EYS: variants seen among roughly 807,000 people sequenced by gnomAD.
The protein encoded by EYS is EGF-like photoreceptor maintenance factor.
A neutral mutation model predicts 282.1 loss-of-function variants in EYS; 250 were observed. The ratio of observed to expected loss-of-function variants is 0.89; its 90% CI spans 0.80 to 0.98. EYS has a LOEUF of 0.98. Among genes scored for constraint, EYS ranks in the 50% least tolerant of loss-of-function variants. The pLI is 0.00. For synonymous variants in EYS, 1,355 were observed against 1,282.9 expected (o/e 1.06, Z -1.20); for missense variants, 4,016 against 3,709.0 (o/e 1.08, Z -2.15).
chr6:64,913,723 T>C (rs907361159), intron 15 of EYS, among the ~76,000 whole-genome samples: 11 of 152,116 alleles, frequency 7.2e-5, no homozygotes, highest in Admixed American at 1.3e-4. Context: ...AACATATGAG[T>C]GAAGTTGTCT....
chr6:63,903,808 A>G (rs1396177250), intron 35 of EYS, among the ~76,000 whole-genome samples: 2 of 152,234 alleles, frequency 1.3e-5, no homozygotes, highest in Non-Finnish European at 2.9e-5. Flanking sequence ...GTGCAGAAAT[A>G]GCTATCAGGT....
chr6:65,557,035 T>C (rs981925413), intron 2 of EYS, among the ~76,000 whole-genome samples: 1 of 152,226 alleles, frequency 6.6e-6, no homozygotes, highest in South Asian at 2.1e-4. Context: ...AAAGAGATTT[T>C]AGTCATTAAA....
chr6:64,072,848 G>A (rs1399240708), intron 32 of EYS, among the ~76,000 whole-genome samples: 1 of 151,924 alleles, frequency 6.6e-6, no homozygotes, highest in Non-Finnish European at 1.5e-5. Context: ...GATATATAGT[G>A]TAGGGTAGAA....
intron 42 of EYS, 125 bp from the exon 43 acceptor site, chr6:63,721,922 A>G: frequency 2.4e-6 from 2 of 846,212 alleles, no homozygotes; most frequent in Non-Finnish European, 1.8e-6. Context: ...TCTTGAGCAC[A>G]ATTGTGTTAG....
At chr6:63,743,926 T>C (rs1262334438) in intron 41 of EYS, among the ~76,000 whole-genome samples, 3 of 152,330 alleles carry the variant, frequency 2.0e-5, no homozygotes, top group Non-Finnish European at 4.4e-5. Context: ...GAGGGTTGTC[T>C]GGAGCCACCA....
Position 64,879,354 on chromosome 6 carries a change from C to G in EYS, c.2992+7343G>C, listed in dbSNP as rs1240597783. Among the ~76,000 whole-genome samples, 4 of 152,076 alleles carry G rather than the reference C, an allele frequency of 2.6e-5. No individual in the cohort carries two copies. In the East Asian group the frequency reaches 5.8e-4, roughly 22 times the overall value. On this transcript the variant is annotated intron_variant, in intron 19 of 42. Transcript: ENST00000503581. ...TCAGTTAGCATTTTGATGGTTCTCT[C>G]TTAGACATTAACCGATATTCAAGGA...
intron 35 of EYS, among the ~76,000 whole-genome samples, chr6:63,940,599 G>A (rs748179639): frequency 6.6e-6 from 1 of 152,044 alleles, no homozygotes; most frequent in Non-Finnish European, 1.5e-5. Context: ...AACAGGAGGA[G>A]TAGCTTCTTC....
chr6:64,558,493 T>G (rs1418953527), intron 26 of EYS, among the ~76,000 whole-genome samples: 5 of 152,018 alleles, frequency 3.3e-5, no homozygotes, highest in Non-Finnish European at 7.4e-5. Flanking sequence ...TAAATTTTCC[T>G]ATAGAGATAT....
intron 2 of EYS, among the ~76,000 whole-genome samples, chr6:65,631,875 A>T (rs1766926686): frequency 6.6e-6 from 1 of 152,170 alleles, no homozygotes. Context: ...TAATGAATGG[A>T]AAGAAAGGTT....
At chr6:64,571,797 GAAA>G (rs1268597111) in intron 26 of EYS, among the ~76,000 whole-genome samples, 4 of 151,986 alleles carry the variant, frequency 2.6e-5, no homozygotes, top group South Asian at 4.2e-4. Context: ...AGCCTACAAC[GAAA>G]AAATGCCCAG....
intron 22 of EYS, among the ~76,000 whole-genome samples, chr6:64,739,256 T>G (rs1373443638): frequency 6.6e-6 from 1 of 152,196 alleles, no homozygotes; most frequent in Non-Finnish European, 1.5e-5. Flanking sequence ...AACTATTCAC[T>G]CACATTAAGA....
chr6:65,132,283 C>A (rs977245346), intron 12 of EYS, among the ~76,000 whole-genome samples: 1 of 151,984 alleles, frequency 6.6e-6, no homozygotes, highest in Non-Finnish European at 1.5e-5. Flanking sequence ...GGACAATATC[C>A]TTGATGAACA....
At chr6:65,684,834 G>T (rs181326305) in intron 1 of EYS, among the ~76,000 whole-genome samples, 12 of 151,802 alleles carry the variant, frequency 7.9e-5, no homozygotes, top group African/African-American at 2.7e-4. Context: ...GTAGTTTTTC[G>T]TTGTTGTTGT....
In EYS at chr6:64,212,522, C is replaced by A. The variant is rs190339915; in HGVS notation, c.6424+18070G>T. ...TACATATATGATTTGGCTTCCACAC[C>A]AAATCTAGCTCACAACCTGCTCGTG... On this transcript the variant is annotated intron_variant, in intron 31 of 42. Transcript: ENST00000503581. Among the ~76,000 whole-genome samples the A allele has an allele frequency of 1.7e-3, 256 of 150,828 alleles. 1 individual carries two copies. The Middle Eastern group carries it at 0.032, about 19-fold the overall frequency.
intron 31 of EYS, among the ~76,000 whole-genome samples, chr6:64,194,698 C>G (rs966958688): frequency 1.3e-5 from 2 of 152,060 alleles, no homozygotes; most frequent in African/African-American, 4.8e-5. Flanking sequence ...TTAGCAACAA[C>G]GTATATTCTA....
chr6:65,400,748 G>A (rs1236270389), intron 7 of EYS, among the ~76,000 whole-genome samples: 1 of 151,788 alleles, frequency 6.6e-6, no homozygotes, highest in Non-Finnish European at 1.5e-5. Flanking sequence ...CATATGTTCA[G>A]GTAGGGAAAC....
At chr6:65,701,824 T>C (rs1769689698) in intron 1 of EYS, among the ~76,000 whole-genome samples, 1 of 152,168 alleles carries the variant, frequency 6.6e-6, no homozygotes, top group Non-Finnish European at 1.5e-5. Context: ...TATACATATA[T>C]ATAGAGAGAG....
At chr6:64,115,655 C>G (rs565203201) in intron 31 of EYS, among the ~76,000 whole-genome samples, 5 of 152,152 alleles carry the variant, frequency 3.3e-5, no homozygotes, top group Non-Finnish European at 5.9e-5. Flanking sequence ...CTGACCCTAC[C>G]CAGCTGGTGT....
intron 28 of EYS, among the ~76,000 whole-genome samples, chr6:64,421,587 A>C (rs953614144): frequency 6.6e-6 from 1 of 152,150 alleles, no homozygotes; most frequent in African/African-American, 2.4e-5. Flanking sequence ...GACAAGTAAC[A>C]ATTTATCTTT....
Sources: allele counts gnomAD v4.1 joint callset (sites outside exome capture counted in the v4.1 genomes callset), GRCh38; gene constraint gnomAD v4.1.1; transcripts MANE v1.5; gene names NCBI Gene and HGNC (gene_info 2026-07-23, HGNC 2026-07-21).